The following PTPRC variants were observed in gnomAD, a reference collection of about 807,000 sequenced individuals.
The protein encoded by PTPRC is receptor-type tyrosine-protein phosphatase C.
PTPRC carries 44 observed loss-of-function variants against 155.9 expected under a neutral mutation model. The observed-to-expected ratio is 0.28, with a 90% CI of 0.22 to 0.36. The LOEUF is 0.36. Among genes scored for constraint, PTPRC ranks in the 10% least tolerant of loss-of-function variants. PTPRC has a pLI of 1.00. For synonymous variants in PTPRC, 525 were observed against 533.1 expected, an observed-to-expected ratio of 0.98 and a Z score of 0.21; for missense variants, 1,401 against 1,564.6, an observed-to-expected ratio of 0.90 and a Z score of 1.76.
chr1:198,754,236 A>C, intron 31 of PTPRC, 33 bp from the exon 32 acceptor site: 1 of 1,585,122 alleles, frequency 6.3e-7, no homozygotes, highest in Non-Finnish European at 8.7e-7. Context: ...GGTGAGAAGT[A>C]GGATTATTTT....
intron 15 of PTPRC, among the ~76,000 whole-genome samples, chr1:198,722,731 C>A (rs1653952860): frequency 6.6e-6 from 1 of 151,512 alleles, no homozygotes; most frequent in Non-Finnish European, 1.5e-5. Context: ...TTTATATACC[C>A]AAACTATTAA....
intron 13 of PTPRC, 59 bp downstream of exon 13, chr1:198,716,899 T>C: frequency 6.7e-7 from 1 of 1,496,408 alleles, no homozygotes; most frequent in Admixed American, 1.7e-5. Flanking sequence ...GTATGAACTT[T>C]TTAGCCTACA....
intron 11 of PTPRC, 26 bp from the exon 12 acceptor site, chr1:198,712,927 A>G (rs746633065): frequency 1.3e-6 from 2 of 1,599,350 alleles, no homozygotes; most frequent in Non-Finnish European, 1.7e-6. Context: ...TTTTCATATT[A>G]CATAACATTC....
At position 198,694,614 on chromosome 1, in the gene PTPRC, C is replaced by A. The variant is rs148815296; in HGVS notation, c.101-2098C>A. 5.7e-3 allele frequency: 5,598 copies of A among 985,736 alleles called. 24 individuals carry two copies. Among genetic ancestry groups the A allele is most frequent in the Non-Finnish European group, 6.2e-3 (5,135 of 830,252 alleles). 61.1% of individuals were successfully genotyped at this position (985,736 alleles called of 1,614,324 possible). A position where few individuals can be genotyped will look rare whatever the true frequency, so the allele number is the denominator to read the frequency against. On this transcript the variant is annotated intron_variant, in intron 3 of 32. Coordinates refer to ENST00000442510, the MANE Select transcript of PTPRC (RefSeq NM_002838.5). ...AGGGATCATTGGAAGCAGGCAGACA[C>A]CAGAATTGGTTTAACCTAAAAATAA...
At chr1:198,712,732 G>A (rs927753874) in intron 11 of PTPRC, 4 of 555,930 alleles carry the variant, frequency 7.2e-6, no homozygotes, top group Non-Finnish European at 1.3e-5. Flanking sequence ...CAAGTCAGTG[G>A]AATGCTTAGG....
chr1:198,667,720 C>G (rs1166996405), intron 2 of PTPRC, among the ~76,000 whole-genome samples: 1 of 152,218 alleles, frequency 6.6e-6, no homozygotes, highest in Non-Finnish European at 1.5e-5. Flanking sequence ...GACAAGACAT[C>G]TACACATATA....
rs1662431775 is a variant in PTPRC, at chr1:198,639,211, T to A, written c.-43-15T>A. Reference sequence around the variant, plus strand: ...GAAAAACTTCTACAGAGATAACAATTATTTTGCTTTTCAGAAGGACGCATG... The same window carrying A: ...GAAAAACTTCTACAGAGATAACAATAATTTTGCTTTTCAGAAGGACGCATG... On this transcript the variant is annotated splice_polypyrimidine_tract_variant and intron_variant, in intron 1 of 32. Transcript: ENST00000442510. The A allele has an allele frequency of 5.0e-6, 7 of 1,397,684 alleles. No homozygotes were observed. In the South Asian group the frequency reaches 8.1e-5, roughly 16 times the overall value. The allele number at this position is 1,397,684 out of a possible 1,614,324, so 86.6% of individuals were successfully genotyped here.
At chr1:198,755,807 T>C in intron 32 of PTPRC, 99 bp from the exon 33 acceptor site, 1 of 1,298,262 alleles carries the variant, frequency 7.7e-7, no homozygotes, top group Admixed American at 1.7e-5. Context: ...CATCCAATAC[T>C]TCCACAAATA....
intron 14 of PTPRC, among the ~76,000 whole-genome samples, 183 bp downstream of exon 14, chr1:198,718,485 G>T (rs1653713923): frequency 6.6e-6 from 1 of 152,186 alleles, no homozygotes; most frequent in Non-Finnish European, 1.5e-5. Context: ...GCTCAAGTCA[G>T]TGGTTTAAAG....
rs187891878 is a variant in PTPRC at position 198,669,057 on chromosome 1, C to A, written c.74-23290C>A. 4.6e-5 allele frequency among the ~76,000 whole-genome samples: 7 copies of A among 152,282 alleles called. No homozygotes were observed. In the East Asian group the frequency reaches 1.3e-3, roughly 29 times the overall value. The stretch of plus-strand genomic sequence containing the variant: ...AAGAAATGATTTTATGTGATTCAGT[C>A]TAATGGTAATAGTTACAAAGGATTG... On this transcript the variant is annotated intron_variant, in intron 2 of 32. Transcript: ENST00000442510.
At chr1:198,640,962 A>G (rs957550906) in intron 2 of PTPRC, among the ~76,000 whole-genome samples, 4 of 151,944 alleles carry the variant, frequency 2.6e-5, no homozygotes, top group East Asian at 1.9e-4. Flanking sequence ...TGTTTTTTTA[A>G]CCATAAGACA....
chr1:198,693,421 C>A (rs893921125), intron 3 of PTPRC, among the ~76,000 whole-genome samples: 44 of 152,148 alleles, frequency 2.9e-4, no homozygotes, highest in African/African-American at 1.1e-3. Flanking sequence ...CCAACTTTTA[C>A]AGAAGATAGA....
chr1:198,655,269 G>T (rs1355444351), intron 2 of PTPRC, among the ~76,000 whole-genome samples: 4 of 151,414 alleles, frequency 2.6e-5, no homozygotes, highest in African/African-American at 7.3e-5. Flanking sequence ...AAAGAGAAAA[G>T]GAATTTGGAA....
intron 2 of PTPRC, among the ~76,000 whole-genome samples, chr1:198,642,968 CTT>C (rs746581602): frequency 2.3e-5 from 3 of 130,606 alleles, no homozygotes; most frequent in Non-Finnish European, 5.0e-5. Flanking sequence ...TTCTTTCTTT[CTT>C]TTTTCTTTCT....
intron 4 of PTPRC, 65 bp from the exon 5 acceptor site, chr1:198,699,499 T>C: frequency 6.3e-7 from 1 of 1,587,054 alleles, no homozygotes; most frequent in Admixed American, 1.7e-5. Context: ...CCTTATAACC[T>C]CTTAGTAAAT....
At chr1:198,725,419 A>G (rs548145381) in intron 15 of PTPRC, among the ~76,000 whole-genome samples, 2 of 152,196 alleles carry the variant, frequency 1.3e-5, no homozygotes, top group East Asian at 3.9e-4. Flanking sequence ...TTTTTTTCTG[A>G]TATCATTCAT....
chr1:198,702,432 C>A lies in PTPRC; in HGVS notation c.485C>A (p.Pro162Gln). The A allele has an allele frequency of 6.2e-7, 1 of 1,614,178 alleles. No individual in the cohort carries two copies. The highest frequency in any genetic ancestry group is 8.5e-7 in the Non-Finnish European group (1 of 1,180,036). ...ACAGCCAGCACCTTTCCTACAGACCCAGTTTCCCCATTGACAACCACCCTC... is the reference window on the plus strand; with the variant it reads ...ACAGCCAGCACCTTTCCTACAGACCAAGTTTCCCCATTGACAACCACCCTC... ...RSTASTFPTD[P>Q]VSPLTTTLSL... Residue 162 changes from proline (P) to glutamine (Q), a missense_variant, in exon 6 of 33, where the codon CCA becomes CAA. This residue lies in a region of PTPRC where 867 missense variants were observed against 970.4 expected (regional missense o/e 0.89). Transcript: ENST00000442510.
At chr1:198,644,482 ATATC>A (rs1662826728) in intron 2 of PTPRC, among the ~76,000 whole-genome samples, 1 of 151,926 alleles carries the variant, frequency 6.6e-6, no homozygotes, top group African/African-American at 2.4e-5. Flanking sequence ...ATATTAGAAA[ATATC>A]TAATTATTGT....
intron 8 of PTPRC, among the ~76,000 whole-genome samples, chr1:198,705,304 A>G (rs1211224490): frequency 1.3e-5 from 2 of 151,898 alleles, no homozygotes; most frequent in Non-Finnish European, 2.9e-5. Flanking sequence ...GATCTTTTGT[A>G]ATCCGGTTGT....
Sources: allele counts gnomAD v4.1 joint callset (sites outside exome capture counted in the v4.1 genomes callset), GRCh38; gene constraint gnomAD v4.1.1; regional missense constraint gnomAD v4.1.1; transcripts MANE v1.5; gene names NCBI Gene and HGNC (gene_info 2026-07-23, HGNC 2026-07-21).